PRICKLE3: variants seen among roughly 807,000 people sequenced by gnomAD.
The protein encoded by PRICKLE3 is LIM domain only protein 6.
PRICKLE3 carries 17 observed loss-of-function variants against 33.8 expected under a neutral mutation model. That is an observed-to-expected ratio of 0.50 (90% CI 0.34 to 0.75). The LOEUF is 0.75. Among genes scored for constraint, PRICKLE3 ranks in the 30% least tolerant of loss-of-function variants. The pLI is 0.01. For missense variants in PRICKLE3, 573 were observed against 576.7 expected (o/e 0.99, Z 0.07); for synonymous variants, 211 against 219.6 (o/e 0.96, Z 0.34).
intron 8 of PRICKLE3, 109 bp downstream of exon 8, chrX:49,176,794 G>T: frequency 1.3e-6 from 1 of 790,027 alleles, no homozygotes; most frequent in Non-Finnish European, 1.7e-6. Flanking sequence ...CAGGGATACA[G>T]CAGGTGAAGG....
Position 49,175,614 on chromosome X carries a change from C to G in PRICKLE3, c.*59G>C. 2.9e-6 allele frequency: 3 copies of G among 1,029,898 alleles called. No individual in the cohort carries two copies. Among genetic ancestry groups the G allele is most frequent in the Non-Finnish European group, 4.0e-6 (3 of 750,877 alleles). The allele number at this position is 1,029,898 out of a possible 1,213,427, so 84.9% of individuals were successfully genotyped here. A position where few individuals can be genotyped will look rare whatever the true frequency, so the allele number is the denominator to read the frequency against. ...AGGGGCGGGGCGTGGGGGTGAGGGGCATGGGCCTCATCATCTACTCTGACT... is the reference window on the plus strand; with the variant it reads ...AGGGGCGGGGCGTGGGGGTGAGGGGGATGGGCCTCATCATCTACTCTGACT... On this transcript the variant is annotated 3_prime_UTR_variant, in exon 9 of 9. Coordinates refer to ENST00000599218, the MANE Select transcript of PRICKLE3 (RefSeq NM_006150.5).
intron 3 of PRICKLE3, 86 bp downstream of exon 3, chrX:49,183,648 G>A: frequency 1.7e-6 from 2 of 1,155,863 alleles, no homozygotes; most frequent in Non-Finnish European, 2.3e-6. Context: ...CCCAGAAATA[G>A]GTTCCCACCT....
intron 3 of PRICKLE3, chrX:49,183,521 G>T: frequency 1.3e-6 from 1 of 788,219 alleles, no homozygotes; most frequent in Non-Finnish European, 1.8e-6. Context: ...ATAGGATTGG[G>T]GTGAACAGGC....
Position 49,177,035 on chromosome X carries a change from G to T in PRICKLE3, c.1123C>A (p.Pro375Thr), listed in dbSNP as rs781810480. ...ACSLGSEPTA[P>T]GPSRRSWSAG... ...CTCCAGCTGCGGCGGCTCGGCCCTG[G>T]AGCTGTGGGCTCGGACCCAAGGCTG... Residue 375 changes from proline (P) to threonine (T), a missense_variant, in exon 8 of 9, where the codon CCA becomes ACA. Coordinates refer to ENST00000599218, the MANE Select transcript of PRICKLE3 (RefSeq NM_006150.5). The T allele has an allele frequency of 3.3e-6, 4 of 1,209,519 alleles. No homozygotes were observed. The highest frequency in any genetic ancestry group is 4.5e-6 in the Non-Finnish European group (4 of 894,257).
intron 3 of PRICKLE3, among the ~76,000 whole-genome samples, chrX:49,182,668 C>T (rs2065462694): frequency 8.9e-6 from 1 of 112,020 alleles, no homozygotes; most frequent in Non-Finnish European, 1.9e-5. Flanking sequence ...TCTGGGCACC[C>T]TATTTACAAT....
intron 2 of PRICKLE3, 124 bp from the exon 3 acceptor site, chrX:49,184,041 C>T: frequency 1.1e-6 from 1 of 903,464 alleles, no homozygotes; most frequent in Non-Finnish European, 1.5e-6. Context: ...TGAGCAGGGA[C>T]AGGGATCTGG....
intron 3 of PRICKLE3, chrX:49,183,475 G>A (rs2065467183): frequency 3.5e-6 from 2 of 572,457 alleles, no homozygotes; most frequent in African/African-American, 2.3e-5. Context: ...GGGCAACAGA[G>A]TGAGACCCTG....
Position 49,179,229 on chromosome X carries a change from G to T in PRICKLE3, c.564+22C>A, listed in dbSNP as rs782180873. 16 of 1,206,311 alleles carry T rather than the reference G, an allele frequency of 1.3e-5. No homozygotes were observed. The Admixed American group carries it at 2.4e-4, about 18-fold the overall frequency. On this transcript the variant is annotated intron_variant, in intron 5 of 8. Transcript: ENST00000599218. Reference sequence around the variant, plus strand: ...CTTGGAGCAGAGGCACTGCTCACTCGCTGAGGCCCTCCACGGCTCACCTCC... The same window carrying T: ...CTTGGAGCAGAGGCACTGCTCACTCTCTGAGGCCCTCCACGGCTCACCTCC...
In PRICKLE3 at chrX:49,186,270, G is replaced by A. The variant is rs1557101867; in HGVS notation, c.28C>T (p.Arg10Cys). 8.7e-7 allele frequency: 1 copy of A among 1,154,076 alleles called. No homozygotes were observed. The highest frequency in any genetic ancestry group is 3.4e-5 in the East Asian group (1 of 29,677). Reference sequence around the variant, plus strand: ...CTCCCGCTCACCGCACGCCCGGAGCGGCGCCTCCGGGACCCACGCGCGAAC... The same window carrying A: ...CTCCCGCTCACCGCACGCCCGGAGCAGCGCCTCCGGGACCCACGCGCGAAC... MFARGSRRR[R>C]SGRAPPEAED... is the part of the protein sequence containing the mutation. Residue 10 changes from arginine to cysteine, a missense_variant, in exon 1 of 9, where the codon CGC becomes TGC. Arg to Cys is a radical substitution (Grantham distance 180). Coordinates refer to ENST00000599218, the MANE Select transcript of PRICKLE3 (RefSeq NM_006150.5).
intron 3 of PRICKLE3, among the ~76,000 whole-genome samples, chrX:49,181,542 C>T (rs782450707): frequency 1.8e-4 from 2 of 11,055 alleles, no homozygotes; most frequent in East Asian, 2.5e-3. Context: ...TATATATATA[C>T]GTATATGTGT....
intron 3 of PRICKLE3, among the ~76,000 whole-genome samples, chrX:49,182,250 TG>T (rs2065460862): frequency 2.7e-5 from 3 of 111,109 alleles, no homozygotes; most frequent in Non-Finnish European, 5.7e-5. Context: ...CCGGCCTTTC[TG>T]TCTGTCTGTC....
chrX:49,182,911 C>A (rs1274775472), intron 3 of PRICKLE3, among the ~76,000 whole-genome samples: 1 of 106,845 alleles, frequency 9.4e-6, no homozygotes. Flanking sequence ...GCAACCTCCG[C>A]TTCCTGGGTT....
intron 1 of PRICKLE3, 41 bp from the exon 2 acceptor site, chrX:49,184,751 G>T: frequency 3.4e-6 from 4 of 1,161,081 alleles, no homozygotes; most frequent in Non-Finnish European, 3.5e-6. Context: ...GGTGAGGCGC[G>T]GAAGCAGGGA....
In PRICKLE3 at chrX:49,183,935, G is replaced by A; in HGVS notation, c.129-18C>T. 8.3e-7 allele frequency: 1 copy of A among 1,197,869 alleles called. No homozygotes were observed. On this transcript the variant is annotated intron_variant, in intron 2 of 8. Transcript: ENST00000599218. The stretch of plus-strand genomic sequence containing the variant: ...AGATCTTTCTGAGGGGGCCGGGATG[G>A]GGGTCAATTACTAAGGAGTTGCCCA...
At position 49,179,292 on chromosome X, in the gene PRICKLE3, G is replaced by A. The variant is rs782662226; in HGVS notation, c.523C>T (p.Arg175Cys). Residue 175 changes from arginine to cysteine, a missense_variant, in exon 5 of 9, where the codon CGC (arginine) becomes TGC (cysteine). Physicochemically the swap from Arg to Cys is radical, Grantham distance 180. Coordinates refer to ENST00000599218, the MANE Select transcript of PRICKLE3 (RefSeq NM_006150.5). Reference protein sequence around the residue: ...KRENLGRGIVRIFPVTITGAI... With the variant: ...KRENLGRGIVCIFPVTITGAI... ...CCAGTGATGGTCACCGGGAAGATGC[G>A]CACGATGCCACGCCCCAGATTCTCC... The A allele has an allele frequency of 2.5e-5, 30 of 1,209,532 alleles. No individual in the cohort carries two copies. Among genetic ancestry groups the A allele is most frequent in the Middle Eastern group, 2.3e-4 (1 of 4,373 alleles).
intron 7 of PRICKLE3, 40 bp from the exon 8 acceptor site, chrX:49,177,242 C>T (rs782150141): frequency 2.8e-6 from 3 of 1,089,472 alleles, no homozygotes; most frequent in South Asian, 2.3e-5. Flanking sequence ...AGGCAGAACC[C>T]CCAGGCGTAA....
chrX:49,179,703 T>G lies in PRICKLE3; in HGVS notation c.416A>C (p.His139Pro). Reference sequence around the variant, plus strand: ...CTTCTCTCTCCTCACCTCACTGTCGTGTGGGGGCAGCTGGTGCAGCAGCTG... The same window carrying G: ...CTTCTCTCTCCTCACCTCACTGTCGGGTGGGGGCAGCTGGTGCAGCAGCTG... Reference protein sequence around the residue: ...IKQLLHQLPPHDSEAQYCTAL... With the variant: ...IKQLLHQLPPPDSEAQYCTAL... Residue 139 changes from histidine to proline, a missense_variant, in exon 4 of 9, where the codon CAC (histidine) becomes CCC (proline). By Grantham distance (77) the His-to-Pro change is moderately conservative. Coordinates refer to ENST00000599218, the MANE Select transcript of PRICKLE3 (RefSeq NM_006150.5). The G allele has an allele frequency of 8.5e-7, 1 of 1,177,472 alleles. No individual in the cohort carries two copies. Among genetic ancestry groups the G allele is most frequent in the Non-Finnish European group, 1.1e-6 (1 of 872,617 alleles).
chrX:49,184,772 A>G (rs2065475125), intron 1 of PRICKLE3, 62 bp from the exon 2 acceptor site: 3 of 1,160,050 alleles, frequency 2.6e-6, no homozygotes, highest in Non-Finnish European at 1.2e-6. Flanking sequence ...AGGAGAAGTC[A>G]ACGCCCGCCC....
chrX:49,184,037 G>A, intron 2 of PRICKLE3, 120 bp from the exon 3 acceptor site: 1 of 922,343 alleles, frequency 1.1e-6, no homozygotes, highest in South Asian at 2.4e-5. Flanking sequence ...TCTGTGAGCA[G>A]GGACAGGGAT....
Sources: gnomAD v4.1 joint callset for allele counts (sites outside exome capture counted in the v4.1 genomes callset) on GRCh38, gnomAD v4.1.1 for gene constraint, MANE v1.5 for transcripts, NCBI Gene and HGNC (gene_info 2026-07-23, HGNC 2026-07-21) for gene names.